Variants in DNMBP observed in about 807,000 individuals in gnomAD.
The protein encoded by DNMBP is dynamin-binding protein.
Under a neutral mutation model 150.0 loss-of-function variants are expected in DNMBP, and 87 were observed. The observed-to-expected ratio is 0.58, with a 90% CI of 0.49 to 0.69. The LOEUF is 0.69. Ranked by LOEUF, DNMBP falls within the 30% of genes least tolerant of loss-of-function variation. The pLI, the probability that DNMBP is intolerant of heterozygous loss-of-function variation, is 0.00. For missense variants in DNMBP, 1,774 were observed against 1,949.0 expected (o/e 0.91, Z 1.69); for synonymous variants, 711 against 750.4 (o/e 0.95, Z 0.86).
chr10:99,996,438 T>C (rs1352253766), intron 1 of DNMBP, among the ~76,000 whole-genome samples: 1 of 152,172 alleles, frequency 6.6e-6, no homozygotes, highest in Non-Finnish European at 1.5e-5. Flanking sequence ...GAGGATCACT[T>C]GAAACCAGGA....
chr10:99,894,251 G>C lies in DNMBP; in HGVS notation c.3156+695C>G, dbSNP rs2039618938. Among the ~76,000 whole-genome samples the C allele has an allele frequency of 2.0e-5, 3 of 152,178 alleles. No individual in the cohort carries two copies. In the South Asian group the frequency reaches 6.2e-4, roughly 31 times the overall value. On this transcript the variant is annotated intron_variant, in intron 11 of 16. Transcript: ENST00000324109. ...CACTATTGCACTCCAGTCTGGGTGA[G>C]AGAAAGAGACTCTGTCTCTAAAAGA...
rs755795283 is a variant in DNMBP, at chr10:99,898,310, T to C, written c.2721-25A>G. On this transcript the variant is annotated intron_variant, in intron 8 of 16. Coordinates refer to ENST00000324109, the MANE Select transcript of DNMBP (RefSeq NM_015221.4). ...CCTGTAAGAGAAGGAAAAAAGACTT[T>C]AGTAAGCTATCAATAATATAGCGCC... The C allele has an allele frequency of 6.3e-6, 10 of 1,589,308 alleles. No homozygotes were observed. In the South Asian group the frequency reaches 6.6e-5, roughly 11 times the overall value.
intron 3 of DNMBP, among the ~76,000 whole-genome samples, chr10:99,965,096 G>A (rs553564275): frequency 4.6e-5 from 7 of 152,086 alleles, no homozygotes; most frequent in South Asian, 2.1e-4. Flanking sequence ...AAGCCCAGGC[G>A]CCCAGGTTAA....
intron 15 of DNMBP, 149 bp downstream of exon 15, chr10:99,883,862 G>A (rs959965847): frequency 1.5e-6 from 1 of 680,844 alleles, no homozygotes; most frequent in Non-Finnish European, 2.4e-6. Flanking sequence ...TCACTCTCTA[G>A]AGAAGGTTAA....
At position 99,956,741 on chromosome 10, in the gene DNMBP, C is replaced by T; in HGVS notation, c.733G>A (p.Gly245Arg). 1.2e-5 allele frequency: 20 copies of T among 1,614,156 alleles called. No individual in the cohort carries two copies. Among genetic ancestry groups the T allele is most frequent in the Non-Finnish European group, 1.7e-5 (20 of 1,180,020 alleles). Reference sequence around the variant, plus strand: ...CTGTACAGGGCGACCCCATAGGTCCCTGGCTCCTCCTCATCCTCATCCGGC... The same window carrying T: ...CTGTACAGGGCGACCCCATAGGTCCTTGGCTCCTCCTCATCCTCATCCGGC... ...IGPDEDEEEP[G>R]TYGVALYRFQ... The change falls in exon 4 of 17, where the codon GGG becomes AGG. Residue 245 changes from glycine to arginine, a missense_variant. Around this residue, in one of 2 missense-constraint regions of DNMBP, gnomAD observed 344 missense variants for 456.6 expected, o/e 0.75. Coordinates refer to ENST00000324109, the MANE Select transcript of DNMBP (RefSeq NM_015221.4).
chr10:99,962,635 A>G (rs1456062231), intron 3 of DNMBP, among the ~76,000 whole-genome samples: 1 of 152,092 alleles, frequency 6.6e-6, no homozygotes, highest in African/African-American at 2.4e-5. Context: ...CGTCTCAAAA[A>G]AAAAAACAAA....
chr10:99,891,792 C>T (rs1174797704), intron 11 of DNMBP, among the ~76,000 whole-genome samples: 2 of 150,788 alleles, frequency 1.3e-5, no homozygotes, highest in African/African-American at 2.5e-5. Context: ...GGCCGCCCAT[C>T]GTCTGAGACG....
Position 99,883,864 on chromosome 10 carries a change from G to A in DNMBP, c.3997+147C>T. ...TCAGTAATGATCTTCACTCTCTAGA[G>A]AAGGTTAAGGTTATTTTTCAGGTTA... On this transcript the variant is annotated intron_variant, in intron 15 of 16. Transcript: ENST00000324109. 3 of 683,188 alleles carry A rather than the reference G, an allele frequency of 4.4e-6. No individual in the cohort carries two copies. The South Asian group carries it at 5.9e-5, about 13-fold the overall frequency. The allele number at this position is 683,188 out of a possible 1,614,324, so 42.3% of individuals were successfully genotyped here. A position where few individuals can be genotyped will look rare whatever the true frequency, so the allele number is the denominator to read the frequency against.
intron 1 of DNMBP, among the ~76,000 whole-genome samples, chr10:99,995,115 C>G (rs924905324): frequency 6.6e-6 from 1 of 150,672 alleles, no homozygotes; most frequent in Non-Finnish European, 1.5e-5. Flanking sequence ...TGCGGTGGTG[C>G]GATGACAGCT....
intron 11 of DNMBP, among the ~76,000 whole-genome samples, chr10:99,892,287 A>G (rs2039584807): frequency 6.7e-6 from 1 of 148,986 alleles, no homozygotes; most frequent in African/African-American, 2.5e-5. Context: ...ACGGGCCAGG[A>G]TGACAATGGC....
chr10:99,883,339 G>GT (rs1448795504), intron 15 of DNMBP, among the ~76,000 whole-genome samples: 1 of 152,054 alleles, frequency 6.6e-6, no homozygotes, highest in African/African-American at 2.4e-5. Flanking sequence ...AATCCCACAG[G>GT]TTTTTAATTT....
intron 6 of DNMBP, among the ~76,000 whole-genome samples, chr10:99,902,619 TA>T (rs559947538): frequency 0.081 from 10,153 of 125,106 alleles, 493 homozygotes; most frequent in Middle Eastern, 0.18. Context: ...TGCCTCCCTT[TA>T]AAAAAAAAAA....
chr10:99,958,574 A>C (rs1326870859), intron 3 of DNMBP, among the ~76,000 whole-genome samples: 1 of 152,254 alleles, frequency 6.6e-6, no homozygotes, highest in Non-Finnish European at 1.5e-5. Context: ...GCCAATGATA[A>C]AATTCCAACT....
At position 99,879,994 on chromosome 10, in the gene DNMBP, A is replaced by G. The variant is rs2039338938; in HGVS notation, c.4365T>C (p.Asp1455=). 1 of 1,614,050 alleles carries G rather than the reference A, an allele frequency of 6.2e-7. No homozygotes were observed. The highest frequency in any genetic ancestry group is 1.1e-5 in the South Asian group (1 of 91,090). ...TCGGCGTGGCAGTGGGTTGCTTTAC[A>G]TCTCTAGCTACATCTGCAGAGTCCC... ...RSGDSADVAR[D]VKQPTATPRS... The change falls in exon 16 of 17, where the codon GAT becomes GAC. Residue 1455 remains aspartate (D), a synonymous_variant. Coordinates refer to ENST00000324109, the MANE Select transcript of DNMBP (RefSeq NM_015221.4).
intron 1 of DNMBP, among the ~76,000 whole-genome samples, chr10:99,989,082 C>T (rs908731775): frequency 1.3e-5 from 2 of 152,192 alleles, no homozygotes; most frequent in African/African-American, 4.8e-5. Flanking sequence ...AATCCTCACC[C>T]TCTTGTAGGA....
At chr10:99,897,996 T>C (rs1270029743) in intron 9 of DNMBP, 90 bp downstream of exon 9, 11 of 1,124,308 alleles carry the variant, frequency 9.8e-6, no homozygotes, top group Non-Finnish European at 1.5e-5. Flanking sequence ...CCACCTGCCT[T>C]GTCCAACTCT....
intron 1 of DNMBP, among the ~76,000 whole-genome samples, chr10:100,003,302 G>A (rs1201143191): frequency 2.0e-5 from 3 of 152,138 alleles, no homozygotes; most frequent in South Asian, 2.1e-4. Context: ...AGCAGAGATC[G>A]AGCCACTGCA....
At chr10:99,991,186 C>T (rs2040887502) in intron 1 of DNMBP, among the ~76,000 whole-genome samples, 2 of 151,572 alleles carry the variant, frequency 1.3e-5, no homozygotes, top group Admixed American at 6.6e-5. Flanking sequence ...TCAATCGATT[C>T]TCCTGCCTCA....
intron 1 of DNMBP, among the ~76,000 whole-genome samples, chr10:99,977,491 G>T (rs1464614039): frequency 6.6e-6 from 1 of 152,112 alleles, no homozygotes; most frequent in African/African-American, 2.4e-5. Flanking sequence ...ATGATTTCAG[G>T]GACAGCAGAA....
Sources: allele counts gnomAD v4.1 joint callset (sites outside exome capture counted in the v4.1 genomes callset), GRCh38; gene constraint gnomAD v4.1.1; regional missense constraint gnomAD v4.1.1; transcripts MANE v1.5; gene names NCBI Gene and HGNC (gene_info 2026-07-23, HGNC 2026-07-21).